The following CORO1B variants were observed in gnomAD, a reference collection of about 807,000 sequenced individuals.
CORO1B encodes coronin 1B.
Under a neutral mutation model 51.1 loss-of-function variants are expected in CORO1B, and 30 were observed. The observed-to-expected ratio is 0.59, with a 90% CI of 0.44 to 0.80. The LOEUF is 0.80. Ranked by LOEUF, CORO1B falls within the 30% of genes least tolerant of loss-of-function variation. The pLI, the probability that CORO1B is intolerant of heterozygous loss-of-function variation, is 0.00. For synonymous variants in CORO1B, 310 were observed against 289.7 expected (o/e 1.07, Z -0.71); for missense variants, 648 against 700.4 (o/e 0.93, Z 0.84).
rs776215043 is a variant in CORO1B, at chr11:67,438,399, G to A, written c.1447C>T (p.Arg483Cys). 33 of 1,608,000 alleles carry A rather than the reference G, an allele frequency of 2.1e-5. No homozygotes were observed. Among genetic ancestry groups the A allele is most frequent in the Middle Eastern group, 3.3e-4 (2 of 6,068 alleles). ...RICRLEEQLG[R>C]MENGDA ...CCCTACGCATCCCCGTTCTCCATGC[G>A]GCCCAGCTGCTCCTCCAGGCGGCAG... is the stretch of plus-strand genomic sequence containing the variant. Residue 483 changes from arginine to cysteine, a missense_variant, in exon 11 of 11, where the codon CGC becomes TGC. Transcript: ENST00000341356.
chr11:67,435,626 G>A lies in CORO1B; in HGVS notation c.*2750C>T. On this transcript the variant is annotated 3_prime_UTR_variant, in exon 11 of 11. Coordinates refer to ENST00000341356, the MANE Select transcript of CORO1B (RefSeq NM_020441.3). The stretch of plus-strand genomic sequence containing the variant: ...GGGAACTGGTAGGGGGTGACAGTCT[G>A]AGGCATGGTCATGTGGGCTGGGGGT... The A allele has an allele frequency of 6.8e-7, 1 of 1,467,836 alleles. No homozygotes were observed. Among genetic ancestry groups the A allele is most frequent in the Non-Finnish European group, 9.0e-7 (1 of 1,109,232 alleles). 90.9% of individuals were successfully genotyped at this position (1,467,836 alleles called of 1,614,324 possible).
chr11:67,441,434 T>C lies in CORO1B; in HGVS notation c.535A>G (p.Ile179Val), dbSNP rs1284236411. 6.2e-7 allele frequency: 1 copy of C among 1,613,768 alleles called. No homozygotes were observed. Among genetic ancestry groups the C allele is most frequent in the Non-Finnish European group, 8.5e-7 (1 of 1,180,006 alleles). Residue 179 changes from isoleucine (I) to valine (V), a missense_variant, in exon 5 of 11, where the codon ATC becomes GTC. Physicochemically the swap from Ile to Val is conservative, Grantham distance 29. Transcript: ENST00000341356. Reference sequence around the variant, plus strand: ...TTGTGGTTCCAGCTGACATTGTAGATGAGGTCAGGGTGCAGGCTGTCCAGG... The same window carrying C: ...TTGTGGTTCCAGCTGACATTGTAGACGAGGTCAGGGTGCAGGCTGTCCAGG... ...YRLDSLHPDL[I>V]YNVSWNHNGS... is the part of the protein sequence containing the mutation.
Position 67,438,483 on chromosome 11 carries a change from C to T in CORO1B, c.1363G>A (p.Glu455Lys), listed in dbSNP as rs759758364. The change falls in exon 11 of 11, where the codon GAG (glutamate) becomes AAG (lysine). Residue 455 changes from glutamate to lysine, a missense_variant. Coordinates refer to ENST00000341356, the MANE Select transcript of CORO1B (RefSeq NM_020441.3). Reference sequence around the variant, plus strand: ...AGGGCCCGCAGCTCCTGCATCACCTCCTCCAGCTTCCCAGCCTCCTGTGGG... The same window carrying T: ...AGGGCCCGCAGCTCCTGCATCACCTTCTCCAGCTTCCCAGCCTCCTGTGGG... Reference protein sequence around the residue: ...ARAGEAGKLEEVMQELRALRA... With the variant: ...ARAGEAGKLEKVMQELRALRA... The T allele has an allele frequency of 3.4e-5, 55 of 1,609,084 alleles. 1 individual carries two copies. The South Asian group carries it at 5.9e-4, about 17-fold the overall frequency.
Position 67,437,812 on chromosome 11 carries a change from TG to T in CORO1B, c.*563del. On this transcript the variant is annotated 3_prime_UTR_variant, in exon 11 of 11. Coordinates refer to ENST00000341356, the MANE Select transcript of CORO1B (RefSeq NM_020441.3). ...CCTCCCCAGTCTCTCTGGAGGAGGCTGGGCTGCCGGGCCTGTCCTCCAAGGA... is the reference window on the plus strand; with the variant it reads ...CCTCCCCAGTCTCTCTGGAGGAGGCTGGCTGCCGGGCCTGTCCTCCAAGGA... 1 of 487,212 alleles carries T rather than the reference TG, an allele frequency of 2.1e-6. No individual in the cohort carries two copies. Among genetic ancestry groups the T allele is most frequent in the Non-Finnish European group, 3.3e-6 (1 of 303,966 alleles). 30.2% of individuals were successfully genotyped at this position (487,212 alleles called of 1,614,324 possible).
At chr11:67,442,733 C>A (rs768161739) in intron 1 of CORO1B, 103 bp from the exon 2 acceptor site, 5 of 1,147,806 alleles carry the variant, frequency 4.4e-6, no homozygotes, top group South Asian at 1.4e-5. Context: ...GGGGCCAGGC[C>A]ACCGTAACCC....
intron 10 of CORO1B, 34 bp downstream of exon 10, chr11:67,438,633 TGGGG>T: frequency 6.6e-7 from 1 of 1,514,656 alleles, no homozygotes; most frequent in South Asian, 1.3e-5. Context: ...GGGCCACACC[TGGGG>T]CTCCCAGCAC....
chr11:67,438,870 C>T lies in CORO1B; in HGVS notation c.1145G>A (p.Gly382Glu), dbSNP rs1590985261. ...AALEAEEWVSGRDADPILISL... is the reference protein window; with the variant it reads ...AALEAEEWVSERDADPILISL... Reference sequence around the variant, plus strand: ...GATGAGGATCGGGTCGGCATCCCGCCCGCTCACCCACTCCTCAGCCTCCAG... The same window carrying T: ...GATGAGGATCGGGTCGGCATCCCGCTCGCTCACCCACTCCTCAGCCTCCAG... The change falls in exon 10 of 11, where the codon GGG becomes GAG. Residue 382 changes from glycine to glutamate, a missense_variant. Coordinates refer to ENST00000341356, the MANE Select transcript of CORO1B (RefSeq NM_020441.3). The T allele has an allele frequency of 6.2e-7, 1 of 1,608,484 alleles. No homozygotes were observed. The highest frequency in any genetic ancestry group is 8.5e-7 in the Non-Finnish European group (1 of 1,178,720).
chr11:67,439,354 C>A (rs1381208994), intron 9 of CORO1B, among the ~76,000 whole-genome samples: 1 of 152,234 alleles, frequency 6.6e-6, no homozygotes, highest in Non-Finnish European at 1.5e-5. Context: ...TGAGGCCAAG[C>A]CACATGTGGC....
Position 67,442,623 on chromosome 11 carries a change from G to A in CORO1B, c.6C>T (p.Ser2=), listed in dbSNP as rs748266454. The A allele has an allele frequency of 2.1e-5, 34 of 1,613,364 alleles. No individual in the cohort carries two copies. The highest frequency in any genetic ancestry group is 2.8e-5 in the Non-Finnish European group (33 of 1,179,988). The change falls in exon 2 of 11, where the codon TCC becomes TCT. Residue 2 remains serine, a synonymous_variant. Transcript: ENST00000341356. Reference sequence around the variant, plus strand: ...TGCTCTGCCGGACCACTTTGCGGAAGGACATGTCTGCGGGACAGAGAGGCC... The same window carrying A: ...TGCTCTGCCGGACCACTTTGCGGAAAGACATGTCTGCGGGACAGAGAGGCC... M[S]FRKVVRQSKF...
Position 67,440,197 on chromosome 11 carries a change from A to C in CORO1B, c.928T>G (p.Phe310Val). 1 of 1,613,868 alleles carries C rather than the reference A, an allele frequency of 6.2e-7. No individual in the cohort carries two copies. Among genetic ancestry groups the C allele is most frequent in the South Asian group, 1.1e-5 (1 of 91,088 alleles). ...EPPYIHFLNT[F>V]TSKEPQRGMG... ...CCCCGCTGCGGCTCCTTGCTGGTGA[A>C]CGTGTTCAGGAAGTGGATGTAGGGA... Residue 310 changes from phenylalanine (F) to valine (V), a missense_variant, in exon 8 of 11, where the codon TTC becomes GTC. Coordinates refer to ENST00000341356, the MANE Select transcript of CORO1B (RefSeq NM_020441.3).
Position 67,441,533 on chromosome 11 carries a change from C to A in CORO1B, c.455-19G>T. 6.2e-7 allele frequency: 1 copy of A among 1,606,046 alleles called. No individual in the cohort carries two copies. Among genetic ancestry groups the A allele is most frequent in the Non-Finnish European group, 8.5e-7 (1 of 1,176,124 alleles). On this transcript the variant is annotated intron_variant, in intron 4 of 10. Transcript: ENST00000341356. ...TCGCAGCCTGGCAGGTGAGGGTTGT[C>A]AGCTCGGGCCGGGTGGGTGGCAGGA...
chr11:67,436,436 C>A lies in CORO1B; in HGVS notation c.*1940G>T. On this transcript the variant is annotated 3_prime_UTR_variant, in exon 11 of 11. Transcript: ENST00000341356. Reference sequence around the variant, plus strand: ...CAGGCTGGGTGACCAAGACCACTTTCGTTTTTTTCTCTTTGGGATCCTCTT... The same window carrying A: ...CAGGCTGGGTGACCAAGACCACTTTAGTTTTTTTCTCTTTGGGATCCTCTT... 1 of 1,388,662 alleles carries A rather than the reference C, an allele frequency of 7.2e-7. No homozygotes were observed. The highest frequency in any genetic ancestry group is 9.4e-7 in the Non-Finnish European group (1 of 1,067,340). The allele number at this position is 1,388,662 out of a possible 1,614,324, so 86.0% of individuals were successfully genotyped here.
rs1336019945 is a variant in CORO1B, at chr11:67,442,471, T to A, written c.158A>T (p.Glu53Val). Residue 53 changes from glutamate (E) to valine (V), a missense_variant, in exon 2 of 11, where the codon GAG becomes GTG. By Grantham distance (121) the Glu-to-Val change is moderately radical (BLOSUM62 -2). Coordinates refer to ENST00000341356, the MANE Select transcript of CORO1B (RefSeq NM_020441.3). ...VNPKFLAVIVEASGGGAFLVL... is the reference protein window; with the variant it reads ...VNPKFLAVIVVASGGGAFLVL... ...CAGAAAGGCACCCCCTCCACTGGCCTCCACAATCACCGCCAGGAACTTGGG... is the reference window on the plus strand; with the variant it reads ...CAGAAAGGCACCCCCTCCACTGGCCACCACAATCACCGCCAGGAACTTGGG... 6.2e-7 allele frequency: 1 copy of A among 1,613,468 alleles called. No homozygotes were observed. Among genetic ancestry groups the A allele is most frequent in the Non-Finnish European group, 8.5e-7 (1 of 1,179,994 alleles).
chr11:67,437,712 G>C lies in CORO1B; in HGVS notation c.*664C>G. ...TCAGTGCTCGTCTGCAGTGAAGGGTGGCCCAGGCTTCCGCTTCCTGCCCAC... is the reference window on the plus strand; with the variant it reads ...TCAGTGCTCGTCTGCAGTGAAGGGTCGCCCAGGCTTCCGCTTCCTGCCCAC... On this transcript the variant is annotated 3_prime_UTR_variant, in exon 11 of 11. Transcript: ENST00000341356. 1 of 1,296,790 alleles carries C rather than the reference G, an allele frequency of 7.7e-7. No homozygotes were observed. The highest frequency in any genetic ancestry group is 9.9e-7 in the Non-Finnish European group (1 of 1,005,026). The allele number at this position is 1,296,790 out of a possible 1,614,324, so 80.3% of individuals were successfully genotyped here. A position where few individuals can be genotyped will look rare whatever the true frequency, so the allele number is the denominator to read the frequency against.
Position 67,436,193 on chromosome 11 carries a change from C to CAGGCCAGTGCT in CORO1B, c.*2172_*2182dup, listed in dbSNP as rs762876714. 3 of 1,552,782 alleles carry CAGGCCAGTGCT rather than the reference C, an allele frequency of 1.9e-6. No homozygotes were observed. Among genetic ancestry groups the CAGGCCAGTGCT allele is most frequent in the African/African-American group, 2.7e-5 (2 of 73,390 alleles). ...CCCTGAGTCACGGCTGAGGCGGCGC[C>CAGGCCAGTGCT]AGGCCAGTGCTAGGCCAGTGGCCAG... On this transcript the variant is annotated 3_prime_UTR_variant, in exon 11 of 11. Coordinates refer to ENST00000341356, the MANE Select transcript of CORO1B (RefSeq NM_020441.3).
In CORO1B at chr11:67,435,668, A is replaced by T. The variant is rs1864250889; in HGVS notation, c.*2708T>A. On this transcript the variant is annotated 3_prime_UTR_variant, in exon 11 of 11. Transcript: ENST00000341356. ...GCTGGGGGTCCAGTCCAGCCATGGC[A>T]TCTTGGGAAGCAGAGGCACGGGGAG... 1 of 1,493,522 alleles carries T rather than the reference A, an allele frequency of 6.7e-7. No individual in the cohort carries two copies. The highest frequency in any genetic ancestry group is 2.3e-5 in the Admixed American group (1 of 43,296). 92.5% of individuals were successfully genotyped at this position (1,493,522 alleles called of 1,614,324 possible). A position where few individuals can be genotyped will look rare whatever the true frequency, so the allele number is the denominator to read the frequency against.
intron 6 of CORO1B, 112 bp from the exon 7 acceptor site, chr11:67,440,551 AG>A: frequency 1.0e-6 from 1 of 955,348 alleles, no homozygotes; most frequent in East Asian, 2.6e-5. Context: ...CCCTAAATGC[AG>A]GTGGGCCCTC....
At chr11:67,443,380 T>C in intron 1 of CORO1B, 24 bp downstream of exon 1, 1 of 774,074 alleles carries the variant, frequency 1.3e-6, no homozygotes. Context: ...CCCGCGCCCC[T>C]AGCCCCGGCC....
At chr11:67,443,225 A>G (rs1434387979) in intron 1 of CORO1B, among the ~76,000 whole-genome samples, 179 bp downstream of exon 1, 1 of 152,148 alleles carries the variant, frequency 6.6e-6, no homozygotes, top group Admixed American at 6.5e-5. Context: ...CCCAACTTCC[A>G]GGGACCTCCG....
Sources: allele counts gnomAD v4.1 joint callset (sites outside exome capture counted in the v4.1 genomes callset), GRCh38; gene constraint gnomAD v4.1.1; transcripts MANE v1.5; gene names NCBI Gene and HGNC (gene_info 2026-07-23, HGNC 2026-07-21).